The following DNAH6 variants were observed in gnomAD, a reference collection of about 807,000 sequenced individuals.
DNAH6 encodes axonemal beta dynein heavy chain 6.
Under a neutral mutation model 491.4 loss-of-function variants are expected in DNAH6, and 340 were observed. The ratio of observed to expected loss-of-function variants is 0.69; its 90% CI spans 0.63 to 0.76. The LOEUF is 0.76. DNAH6 is among the 30% of genes least tolerant of loss of function. The pLI, the probability that DNAH6 is intolerant of heterozygous loss-of-function variation, is 0.00. For missense variants in DNAH6, 4,443 were observed against 4,972.2 expected, an observed-to-expected ratio of 0.89 and a Z score of 3.20; for synonymous variants, 1,603 against 1,686.1, an observed-to-expected ratio of 0.95 and a Z score of 1.21.
At position 84,762,783 on chromosome 2, in the gene DNAH6, T is replaced by C. The variant is rs1439749458; in HGVS notation, c.10541T>C (p.Ile3514Thr). The change falls in exon 64 of 77, where the codon ATA (isoleucine) becomes ACA (threonine). Residue 3514 changes from isoleucine to threonine, a missense_variant. Around this residue, in one of 3 missense-constraint regions of DNAH6, gnomAD observed 1,463 missense variants for 1,656.6 expected, o/e 0.88. Coordinates refer to ENST00000389394, the MANE Select transcript of DNAH6 (RefSeq NM_001370.2). ...KVVFALTDFV[I>T]ENLGKQFIET... ...GTTTTTGCTCTTACAGACTTTGTGA[T>C]AGAAAATCTTGGAAAACAGTTTATA... 9.0e-6 allele frequency: 14 copies of C among 1,550,760 alleles called. No homozygotes were observed. In the Admixed American group the frequency reaches 1.2e-4, roughly 13 times the overall value.
At chr2:84,802,298 G>A (rs1232319993) in intron 70 of DNAH6, among the ~76,000 whole-genome samples, 1 of 152,160 alleles carries the variant, frequency 6.6e-6, no homozygotes, top group Non-Finnish European at 1.5e-5. Context: ...CCATCGTTCT[G>A]CTGTCTTCAA....
Position 84,796,454 on chromosome 2 carries a change from G to A in DNAH6, c.11359+29G>A, listed in dbSNP as rs191736931. ...AATGACTTTTCAATATTACAGAAAA[G>A]GCCTTTCCCAAGAAGATGTTGACAG... On this transcript the variant is annotated intron_variant, in intron 69 of 76. Transcript: ENST00000389394. 757 of 1,475,770 alleles carry A rather than the reference G, an allele frequency of 5.1e-4. 3 individuals are homozygous for A. In the African/African-American group the frequency reaches 0.01, roughly 20 times the overall value. 91.4% of individuals were successfully genotyped at this position (1,475,770 alleles called of 1,614,324 possible).
At chr2:84,696,114 A>G in intron 46 of DNAH6, among the ~76,000 whole-genome samples, 1 of 151,948 alleles carries the variant, frequency 6.6e-6, no homozygotes, top group Admixed American at 6.5e-5. Flanking sequence ...AGAAATAACT[A>G]TGATTAGATA....
chr2:84,801,621 T>C (rs1385838254), intron 70 of DNAH6, among the ~76,000 whole-genome samples: 1 of 152,152 alleles, frequency 6.6e-6, no homozygotes, highest in African/African-American at 2.4e-5. Flanking sequence ...CAGTGGCTCA[T>C]GCCTGTAATC....
At chr2:84,471,152 C>T in the DNAH6 span, among the ~76,000 whole-genome samples, 1 of 152,136 alleles carries the variant, frequency 6.6e-6, no homozygotes, top group Non-Finnish European at 1.5e-5. Context: ...GCTTTTTTCC[C>T]AACACTCAGC....
chr2:84,624,871 C>A, intron 28 of DNAH6, 31 bp from the exon 29 acceptor site: 1 of 1,519,950 alleles, frequency 6.6e-7, no homozygotes, highest in Non-Finnish European at 8.8e-7. Context: ...AGTTGGTTCC[C>A]TTCATATTGA....
At chr2:84,760,383 T>C (rs1324654468) in intron 63 of DNAH6, among the ~76,000 whole-genome samples, 1 of 152,142 alleles carries the variant, frequency 6.6e-6, no homozygotes, top group African/African-American at 2.4e-5. Flanking sequence ...ATCTGCAGAA[T>C]GGGAGAAAAT....
At position 84,681,532 on chromosome 2, in the gene DNAH6, G is replaced by A; in HGVS notation, c.6916+4G>A. ...GACTTATCCAAATGTGTGCAAGGTA[G>A]TGTACTGAACCCTCGTTTTCTGATC... On this transcript the variant is annotated splice_donor_region_variant and intron_variant, in intron 42 of 76. Transcript: ENST00000389394. 1.3e-6 allele frequency: 2 copies of A among 1,530,910 alleles called. No individual in the cohort carries two copies. The highest frequency in any genetic ancestry group is 1.8e-6 in the Non-Finnish European group (2 of 1,137,506). 94.8% of individuals were successfully genotyped at this position (1,530,910 alleles called of 1,614,324 possible). A position where few individuals can be genotyped will look rare whatever the true frequency, so the allele number is the denominator to read the frequency against.
At chr2:84,541,215 T>C (rs917354458) in intron 4 of DNAH6, among the ~76,000 whole-genome samples, 3 of 152,094 alleles carry the variant, frequency 2.0e-5, no homozygotes, top group Non-Finnish European at 4.4e-5. Flanking sequence ...AGGCAGAGCA[T>C]TTAGAGCAAA....
intron 18 of DNAH6, among the ~76,000 whole-genome samples, chr2:84,603,730 A>C (rs2104278536): frequency 6.6e-6 from 1 of 152,272 alleles, no homozygotes; most frequent in South Asian, 2.1e-4. Flanking sequence ...CAGTTATAGG[A>C]AGAGATATCT....
At chr2:84,786,534 G>T (rs1677221409) in intron 67 of DNAH6, among the ~76,000 whole-genome samples, 1 of 151,998 alleles carries the variant, frequency 6.6e-6, no homozygotes, top group Non-Finnish European at 1.5e-5. Context: ...TGAGGCCCTT[G>T]TTCCGCTAAC....
intron 43 of DNAH6, 36 bp from the exon 44 acceptor site, chr2:84,686,448 C>T (rs1391838055): frequency 5.2e-6 from 6 of 1,147,492 alleles, no homozygotes; most frequent in Non-Finnish European, 7.6e-6. Context: ...TCAAGATTAT[C>T]ATTATATTTA....
At chr2:84,659,758 G>A (rs1289914669) in intron 37 of DNAH6, among the ~76,000 whole-genome samples, 2 of 152,090 alleles carry the variant, frequency 1.3e-5, no homozygotes, top group African/African-American at 4.8e-5. Context: ...TAGGCAAGAG[G>A]GTCACTTGAG....
intron 4 of DNAH6, among the ~76,000 whole-genome samples, chr2:84,530,141 A>T (rs1318556768): frequency 6.6e-6 from 1 of 152,198 alleles, no homozygotes; most frequent in African/African-American, 2.4e-5. Context: ...ATCCATATCA[A>T]AATTGTTGCC....
At chr2:84,474,283 G>T in the DNAH6 span, among the ~76,000 whole-genome samples, 1 of 152,150 alleles carries the variant, frequency 6.6e-6, no homozygotes, top group Non-Finnish European at 1.5e-5. Context: ...TCCAAGGGGA[G>T]CAAGTAGGCT....
chr2:84,811,147 G>A (rs927096610), intron 72 of DNAH6, among the ~76,000 whole-genome samples: 1 of 152,156 alleles, frequency 6.6e-6, no homozygotes, highest in African/African-American at 2.4e-5. Context: ...TGTGAAAAGA[G>A]GTACAGGGAG....
At chr2:84,789,575 G>C (rs1230952780) in intron 68 of DNAH6, among the ~76,000 whole-genome samples, 1 of 152,200 alleles carries the variant, frequency 6.6e-6, no homozygotes, top group East Asian at 1.9e-4. Context: ...GACTAGTCAA[G>C]AACAAAGCTC....
intron 76 of DNAH6, 82 bp downstream of exon 76, chr2:84,816,165 T>C: frequency 8.9e-7 from 1 of 1,122,332 alleles, no homozygotes; most frequent in Non-Finnish European, 1.3e-6. Flanking sequence ...TGTGATTGGC[T>C]CAAGATCTCC....
chr2:84,678,911 G>A (rs1294213848), intron 41 of DNAH6, among the ~76,000 whole-genome samples: 3 of 152,088 alleles, frequency 2.0e-5, no homozygotes, highest in Non-Finnish European at 2.9e-5. Context: ...CAACGGACAG[G>A]GTATTTTGCC....
Sources: gnomAD v4.1 joint callset for allele counts (sites outside exome capture counted in the v4.1 genomes callset) on GRCh38, gnomAD v4.1.1 for gene constraint, gnomAD v4.1.1 regional missense constraint, MANE v1.5 for transcripts, NCBI Gene and HGNC (gene_info 2026-07-23, HGNC 2026-07-21) for gene names.